SSX2IP: variants seen among roughly 807,000 people sequenced by gnomAD.
SSX2IP encodes the protein SSX family member 2 interacting protein, also known as afadin- and alpha-actinin-binding protein.
Under a neutral mutation model 84.9 loss-of-function variants are expected in SSX2IP, and 55 were observed. The observed-to-expected ratio is 0.65, with a 90% confidence interval of 0.52 to 0.81. The LOEUF (loss-of-function observed/expected upper bound fraction) is 0.81. SSX2IP is among the 30% of genes least tolerant of loss of function. The pLI is 0.00. For missense variants in SSX2IP, 664 were observed against 705.2 expected (o/e 0.94, Z 0.66); for synonymous variants, 239 against 234.7 (o/e 1.02, Z -0.17).
intron 8 of SSX2IP, among the ~76,000 whole-genome samples, chr1:84,661,930 TATAAA>T (rs1207760279): frequency 6.6e-6 from 1 of 152,194 alleles, no homozygotes; most frequent in Non-Finnish European, 1.5e-5. Flanking sequence ...TGAGGAATAT[TATAAA>T]ATGAGACAAT....
Position 84,646,681 on chromosome 1 carries a change from AAATCT to A in SSX2IP, c.*747_*751del, listed in dbSNP as rs1240544390. ...ATAATATTCTACATATACAAAATAA[AAATCT>A]AATGTCATAAAAATCTCAAAAATGT... On this transcript the variant is annotated 3_prime_UTR_variant, in exon 14 of 14. Transcript: ENST00000342203. 2 of 152,566 alleles carry A rather than the reference AAATCT, an allele frequency of 1.3e-5. No individual in the cohort carries two copies. Among genetic ancestry groups the A allele is most frequent in the African/African-American group, 4.8e-5 (2 of 41,448 alleles). 9.5% of individuals were successfully genotyped at this position (152,566 alleles called of 1,614,324 possible).
chr1:84,656,084 C>A, intron 10 of SSX2IP, 79 bp from the exon 11 acceptor site: 1 of 1,288,974 alleles, frequency 7.8e-7, no homozygotes, highest in East Asian at 2.4e-5. Flanking sequence ...CAAGGGAAGG[C>A]CAGTCAAACT....
chr1:84,650,995 G>C (rs1312753077), intron 12 of SSX2IP, among the ~76,000 whole-genome samples: 1 of 151,962 alleles, frequency 6.6e-6, no homozygotes. Context: ...GTGAGCCACC[G>C]TGCCCAGCCA....
At chr1:84,657,547 G>A (rs1464708061) in intron 9 of SSX2IP, among the ~76,000 whole-genome samples, 1 of 151,432 alleles carries the variant, frequency 6.6e-6, no homozygotes, top group Non-Finnish European at 1.5e-5. Context: ...AATATTTCTT[G>A]ATTTTTGAGA....
intron 1 of SSX2IP, among the ~76,000 whole-genome samples, chr1:84,680,002 T>C (rs1333288767): frequency 1.3e-5 from 2 of 152,142 alleles, no homozygotes; most frequent in African/African-American, 4.8e-5. Context: ...GGAAGCAGCA[T>C]CTCCTACGAC....
At chr1:84,659,697 C>G (rs1651644478) in intron 8 of SSX2IP, among the ~76,000 whole-genome samples, 1 of 150,742 alleles carries the variant, frequency 6.6e-6, no homozygotes, top group South Asian at 2.1e-4. Flanking sequence ...ACTCAGGAGG[C>G]TGAGGCAGGA....
chr1:84,652,355 T>C (rs1650376814), intron 11 of SSX2IP: 2 of 163,178 alleles, frequency 1.2e-5, no homozygotes, highest in Non-Finnish European at 2.4e-5. Flanking sequence ...GCTGGGAAGT[T>C]GACGCTGAAG....
rs1310542680 is a variant in SSX2IP, at chr1:84,690,358, C to G, written c.-90+13G>C. On this transcript the variant is annotated intron_variant, in intron 1 of 13. Transcript: ENST00000342203. ...GCGCGTCACAATCCCCGACGCGAGG[C>G]GCTGCTGCTCACCGTCACGGCCCCC... The G allele has an allele frequency of 6.6e-6, 1 of 150,746 alleles. No individual in the cohort carries two copies. The highest frequency in any genetic ancestry group is 1.5e-5 in the Non-Finnish European group (1 of 67,550). The allele number at this position is 150,746 out of a possible 1,614,324, so 9.3% of individuals were successfully genotyped here.
At chr1:84,651,086 C>T (rs1370427982) in intron 12 of SSX2IP, among the ~76,000 whole-genome samples, 1 of 152,038 alleles carries the variant, frequency 6.6e-6, no homozygotes, top group African/African-American at 2.4e-5. Context: ...GAAGGTGAGG[C>T]GGAATGACTG....
intron 1 of SSX2IP, among the ~76,000 whole-genome samples, chr1:84,687,515 C>A (rs1243145901): frequency 1.3e-5 from 2 of 152,044 alleles, no homozygotes; most frequent in Non-Finnish European, 2.9e-5. Flanking sequence ...TAATTTGTAT[C>A]CCTATTCTTC....
At chr1:84,664,778 T>C (rs1034979130) in intron 5 of SSX2IP, among the ~76,000 whole-genome samples, 5 of 152,138 alleles carry the variant, frequency 3.3e-5, no homozygotes, top group Non-Finnish European at 7.4e-5. Flanking sequence ...CTATACCTTT[T>C]ACCTTACATA....
chr1:84,662,706 C>T (rs1652206919), intron 6 of SSX2IP, among the ~76,000 whole-genome samples, 176 bp from the exon 7 acceptor site: 1 of 152,084 alleles, frequency 6.6e-6, no homozygotes, highest in Non-Finnish European at 1.5e-5. Flanking sequence ...AATGAGATCT[C>T]GGCACATTAT....
intron 12 of SSX2IP, among the ~76,000 whole-genome samples, chr1:84,651,671 T>A (rs565123312): frequency 7.9e-5 from 12 of 152,030 alleles, no homozygotes; most frequent in Non-Finnish European, 1.8e-4. Flanking sequence ...GAGGTTGCAG[T>A]CAGCCAAGGT....
intron 9 of SSX2IP, among the ~76,000 whole-genome samples, chr1:84,657,364 TA>T (rs1651269610): frequency 6.6e-6 from 1 of 152,322 alleles, no homozygotes; most frequent in East Asian, 1.9e-4. Flanking sequence ...ACCAAACTGT[TA>T]AGTGTTATAT....
chr1:84,649,671 C>A (rs1649942309), intron 13 of SSX2IP: 1 of 236,902 alleles, frequency 4.2e-6, no homozygotes, highest in Non-Finnish European at 8.4e-6. Context: ...TCCAACTTAC[C>A]CCTCTGATCT....
intron 1 of SSX2IP, among the ~76,000 whole-genome samples, chr1:84,671,746 T>A (rs996467399): frequency 5.9e-5 from 9 of 152,220 alleles, no homozygotes; most frequent in African/African-American, 2.2e-4. Context: ...TTCCCAGTGT[T>A]GGCAAAGATG....
At chr1:84,654,329 C>T (rs998698682) in intron 11 of SSX2IP, among the ~76,000 whole-genome samples, 2 of 152,010 alleles carry the variant, frequency 1.3e-5, no homozygotes, top group Non-Finnish European at 2.9e-5. Context: ...TACAATCAGG[C>T]TTCTCATCAG....
intron 1 of SSX2IP, among the ~76,000 whole-genome samples, chr1:84,675,932 A>C (rs1380960259): frequency 6.6e-6 from 1 of 152,128 alleles, no homozygotes; most frequent in Non-Finnish European, 1.5e-5. Flanking sequence ...ATTAATGTAC[A>C]TCTTACACAT....
intron 1 of SSX2IP, among the ~76,000 whole-genome samples, chr1:84,672,408 AT>A (rs1312174475): frequency 6.7e-5 from 10 of 148,926 alleles, no homozygotes; most frequent in African/African-American, 2.0e-4. Flanking sequence ...CTAGTAGCTA[AT>A]TAAAAAAAAA....
Sources: allele counts gnomAD v4.1 joint callset (sites outside exome capture counted in the v4.1 genomes callset), GRCh38; gene constraint gnomAD v4.1.1; transcripts MANE v1.5; gene names NCBI Gene and HGNC (gene_info 2026-07-23, HGNC 2026-07-21).